ABCB10: variants seen among roughly 807,000 people sequenced by gnomAD.
The protein encoded by ABCB10 is ATP-binding cassette sub-family B member 10, mitochondrial.
A neutral mutation model predicts 65.4 loss-of-function variants in ABCB10; 54 were observed. The ratio of observed to expected loss-of-function variants is 0.83; its 90% CI spans 0.66 to 1.04. The LOEUF is 1.04. Among genes scored for constraint, ABCB10 ranks in the 50% least tolerant of loss-of-function variants. The pLI is 0.00. For missense variants in ABCB10, 846 were observed against 976.6 expected, an observed-to-expected ratio of 0.87 and a Z score of 1.78; for synonymous variants, 418 against 406.5, an observed-to-expected ratio of 1.03 and a Z score of -0.34.
chr1:229,527,177 C>G, intron 9 of ABCB10, 52 bp downstream of exon 9: 3 of 1,415,652 alleles, frequency 2.1e-6, no homozygotes, highest in Non-Finnish European at 2.9e-6. Flanking sequence ...AAGCAAAAGA[C>G]AAAAGTAATT....
chr1:229,552,681 C>G (rs535851291), intron 1 of ABCB10, among the ~76,000 whole-genome samples: 3 of 152,108 alleles, frequency 2.0e-5, no homozygotes, highest in Non-Finnish European at 2.9e-5. Context: ...GCAGGTACAG[C>G]AATCCCCACT....
chr1:229,556,499 C>A (rs1194768902), intron 1 of ABCB10, among the ~76,000 whole-genome samples: 4 of 151,992 alleles, frequency 2.6e-5, no homozygotes, highest in African/African-American at 4.8e-5. Context: ...CACAGTGAGA[C>A]CCCTATCCCA....
At chr1:229,539,643 G>A (rs773578946) in intron 5 of ABCB10, 52 bp from the exon 6 acceptor site, 17 of 1,589,164 alleles carry the variant, frequency 1.1e-5, no homozygotes, top group Non-Finnish European at 1.4e-5. Context: ...GACCCAGAAT[G>A]TGAAAAGCAT....
At chr1:229,556,099 G>A (rs1276104342) in intron 1 of ABCB10, among the ~76,000 whole-genome samples, 2 of 152,188 alleles carry the variant, frequency 1.3e-5, no homozygotes, top group African/African-American at 4.8e-5. Flanking sequence ...AGAAGGCCGG[G>A]TGCAGTGGCT....
At position 229,529,318 on chromosome 1, in the gene ABCB10, A is replaced by AAAAAAG. The variant is rs1558121077; in HGVS notation, c.1645+880_1645+881insCTTTTT. 4.2e-4 allele frequency among the ~76,000 whole-genome samples: 59 copies of AAAAAAG among 141,164 alleles called. 1 individual carries two copies. Among genetic ancestry groups the AAAAAAG allele is most frequent in the Non-Finnish European group, 8.8e-4 (57 of 64,812 alleles). The allele number at this position is 141,164 out of a possible 152,430, so 92.6% of individuals were successfully genotyped here. On this transcript the variant is annotated intron_variant, in intron 8 of 12. Coordinates refer to ENST00000344517, the MANE Select transcript of ABCB10 (RefSeq NM_012089.3). Reference sequence around the variant, plus strand: ...CTCAAAAAAAAAAAAAAAAAAAAAAAAAAAAAAAAAAGAAAATCCCTACTA... The same window carrying AAAAAAG: ...CTCAAAAAAAAAAAAAAAAAAAAAAAAAAAAGAAAAAAAAAAAGAAAATCCCTACTA...
At chr1:229,556,650 C>A (rs1038979130) in intron 1 of ABCB10, among the ~76,000 whole-genome samples, 1 of 152,020 alleles carries the variant, frequency 6.6e-6, no homozygotes, top group African/African-American at 2.4e-5. Context: ...GGACTGGGCA[C>A]GTGTAGGCCA....
At chr1:229,532,377 T>C (rs1458200355) in intron 6 of ABCB10, among the ~76,000 whole-genome samples, 1 of 152,224 alleles carries the variant, frequency 6.6e-6, no homozygotes, top group Non-Finnish European at 1.5e-5. Context: ...GTTAAAAGCA[T>C]TGTAATTTAA....
At chr1:229,525,255 C>A (rs1466754215) in intron 10 of ABCB10, among the ~76,000 whole-genome samples, 4 of 152,110 alleles carry the variant, frequency 2.6e-5, no homozygotes, top group Non-Finnish European at 5.9e-5. Context: ...CAGCTTTGTT[C>A]CTGATGCACA....
chr1:229,550,623 C>T (rs551497993), intron 1 of ABCB10, among the ~76,000 whole-genome samples: 26 of 148,970 alleles, frequency 1.7e-4, no homozygotes, highest in Admixed American at 4.0e-4. Flanking sequence ...GAGGCCAAGG[C>T]GGGTAGGTCA....
chr1:229,548,986 A>G (rs1387493354), intron 2 of ABCB10, among the ~76,000 whole-genome samples: 2 of 152,162 alleles, frequency 1.3e-5, no homozygotes, highest in African/African-American at 4.8e-5. Context: ...CAAACCTCCC[A>G]TAAGACCGAC....
chr1:229,540,534 G>T, intron 5 of ABCB10, 72 bp downstream of exon 5: 1 of 1,419,710 alleles, frequency 7.0e-7, no homozygotes, highest in Non-Finnish European at 9.5e-7. Flanking sequence ...TACTTATGCT[G>T]AGCACCACAG....
intron 10 of ABCB10, among the ~76,000 whole-genome samples, chr1:229,521,926 G>T (rs1258941481): frequency 6.6e-6 from 1 of 152,158 alleles, no homozygotes; most frequent in African/African-American, 2.4e-5. Context: ...GAGTGCAGTG[G>T]CATGATCACG....
chr1:229,533,250 A>G (rs1662627754), intron 6 of ABCB10, among the ~76,000 whole-genome samples: 1 of 152,028 alleles, frequency 6.6e-6, no homozygotes, highest in African/African-American at 2.4e-5. Flanking sequence ...CAGCCTCCCG[A>G]GTAGCTGGGA....
chr1:229,554,463 G>A (rs1429273838), intron 1 of ABCB10, among the ~76,000 whole-genome samples: 2 of 152,040 alleles, frequency 1.3e-5, no homozygotes, highest in Non-Finnish European at 2.9e-5. Context: ...AGGAGGGTTC[G>A]CCATGGACTC....
rs1663317063 is a variant in ABCB10 at position 229,558,399 on chromosome 1, C to T, written c.254G>A (p.Gly85Asp). Residue 85 changes from glycine to aspartate, a missense_variant, in exon 1 of 13, where the codon GGC becomes GAC. By Grantham distance (94) the Gly-to-Asp change is moderately conservative. Coordinates refer to ENST00000344517, the MANE Select transcript of ABCB10 (RefSeq NM_012089.3). ...CCACAGCCCCAGGAGCCGCGCGAGG[C>T]CCAGGACGCCCCGCGAGGCGCCCGG... ...GGPGASRGVL[G>D]LARLLGLWAR... 5 of 1,205,134 alleles carry T rather than the reference C, an allele frequency of 4.1e-6. No homozygotes were observed. Among genetic ancestry groups the T allele is most frequent in the Non-Finnish European group, 4.1e-6 (4 of 970,990 alleles). 74.7% of individuals were successfully genotyped at this position (1,205,134 alleles called of 1,614,324 possible).
At position 229,521,636 on chromosome 1, in the gene ABCB10, C is replaced by G; in HGVS notation, c.1907-1G>C. On this transcript the variant is annotated splice_acceptor_variant, in intron 10 of 12. Coordinates refer to ENST00000344517, the MANE Select transcript of ABCB10 (RefSeq NM_012089.3). LOFTEE classifies it high-confidence loss of function. ...ATCGCAATCCGCTGTTTCTGCCCAC[C>G]TGACAAAGACAACATTTAAAAAAAG... The G allele has an allele frequency of 6.2e-7, 1 of 1,612,850 alleles. No homozygotes were observed. The highest frequency in any genetic ancestry group is 8.5e-7 in the Non-Finnish European group (1 of 1,179,364).
chr1:229,538,277 AGAG>A (rs1376435335), intron 6 of ABCB10, among the ~76,000 whole-genome samples: 1 of 152,222 alleles, frequency 6.6e-6, no homozygotes, highest in Non-Finnish European at 1.5e-5. Flanking sequence ...CAAATGATTC[AGAG>A]GAGGGAAGAG....
rs1487376636 is a variant in ABCB10, at chr1:229,547,571, C to T, written c.849G>A (p.Gly283=). 2 of 1,614,036 alleles carry T rather than the reference C, an allele frequency of 1.2e-6. No homozygotes were observed. Among genetic ancestry groups the T allele is most frequent in the Non-Finnish European group, 1.7e-6 (2 of 1,179,942 alleles). ...CTGAGAGGTTTTCAGTCACTGAGCGCCCCAGGAGTGCAGTGTCTGATGAGA... is the reference window on the plus strand; with the variant it reads ...CTGAGAGGTTTTCAGTCACTGAGCGTCCCAGGAGTGCAGTGTCTGATGAGA... The part of the protein sequence containing the change: ...NRLSSDTALL[G]RSVTENLSDG... Residue 283 remains glycine (G), a synonymous_variant, in exon 3 of 13, where the codon GGG becomes GGA. Coordinates refer to ENST00000344517, the MANE Select transcript of ABCB10 (RefSeq NM_012089.3).
intron 8 of ABCB10, among the ~76,000 whole-genome samples, chr1:229,527,753 TA>T (rs1476735607): frequency 3.3e-5 from 5 of 152,226 alleles, no homozygotes; most frequent in Non-Finnish European, 5.9e-5. Context: ...AGCAACTGCC[TA>T]AATTTGTAGC....
Sources: allele counts gnomAD v4.1 joint callset (sites outside exome capture counted in the v4.1 genomes callset), GRCh38; gene constraint gnomAD v4.1.1; transcripts MANE v1.5; gene names NCBI Gene and HGNC (gene_info 2026-07-23, HGNC 2026-07-21).